Variants in COL4A5 observed in about 807,000 individuals in gnomAD.
The protein encoded by COL4A5 is collagen type IV alpha 5 chain, also known as collagen alpha-5(IV) chain.
COL4A5 carries 26 observed loss-of-function variants against 130.2 expected under a neutral mutation model. The observed-to-expected ratio is 0.20, with a 90% confidence interval of 0.15 to 0.28. The LOEUF (loss-of-function observed/expected upper bound fraction) is 0.28. Among genes scored for constraint, COL4A5 ranks in the 10% least tolerant of loss-of-function variants. The pLI is 1.00. For missense variants in COL4A5, 1,131 were observed against 1,344.3 expected, an observed-to-expected ratio of 0.84 and a Z score of 2.48; for synonymous variants, 496 against 439.6, an observed-to-expected ratio of 1.13 and a Z score of -1.60.
At chrX:108,561,843 A>T (rs916518399) in intron 3 of COL4A5, among the ~76,000 whole-genome samples, 1 of 111,640 alleles carries the variant, frequency 9.0e-6, no homozygotes, top group Admixed American at 9.6e-5. Context: ...GGAAAATAGG[A>T]TTACATCAGG....
chrX:108,673,984 G>A (rs2068255924), intron 42 of COL4A5, among the ~76,000 whole-genome samples: 1 of 109,041 alleles, frequency 9.2e-6, no homozygotes, highest in African/African-American at 3.3e-5. Flanking sequence ...GGAGGTTGCA[G>A]TGAGCTGAGA....
intron 30 of COL4A5, among the ~76,000 whole-genome samples, chrX:108,616,392 C>G (rs977944951): frequency 9.1e-6 from 1 of 110,275 alleles, no homozygotes; most frequent in Non-Finnish European, 1.9e-5. Context: ...TGCACCACCA[C>G]GCCCGGCTAA....
intron 49 of COL4A5, chrX:108,689,623 A>T (rs1039351050): frequency 2.7e-6 from 2 of 752,607 alleles, no homozygotes. Flanking sequence ...TCACACAAGG[A>T]TCACATTGGA....
At chrX:108,618,137 A>G (rs2066968363) in intron 30 of COL4A5, among the ~76,000 whole-genome samples, 1 of 111,427 alleles carries the variant, frequency 9.0e-6, no homozygotes, top group Admixed American at 9.6e-5. Flanking sequence ...AGACATATCC[A>G]TACAATTCTT....
intron 1 of COL4A5, among the ~76,000 whole-genome samples, chrX:108,522,632 T>C (rs2065274894): frequency 2.8e-5 from 3 of 107,936 alleles, no homozygotes; most frequent in African/African-American, 1.0e-4. Context: ...CATTATAAAT[T>C]GTATTATTTG....
intron 1 of COL4A5, among the ~76,000 whole-genome samples, chrX:108,502,881 C>T (rs1209973891): frequency 7.2e-5 from 8 of 111,520 alleles, no homozygotes; most frequent in African/African-American, 2.6e-4. Context: ...ATTCGCGTTC[C>T]TAGGTATTAC....
chrX:108,548,830 G>A (rs759250589), intron 2 of COL4A5, among the ~76,000 whole-genome samples: 41 of 111,125 alleles, frequency 3.7e-4, no homozygotes, highest in African/African-American at 1.0e-3. Flanking sequence ...TGAAAACATC[G>A]TTAGAGAGCT....
intron 37 of COL4A5, 38 bp from the exon 38 acceptor site, chrX:108,665,469 G>T (rs2068058195): frequency 9.8e-7 from 1 of 1,019,294 alleles, no homozygotes; most frequent in Admixed American, 2.2e-5. Context: ...AAGCAATGCA[G>T]TTTTTCTTTC....
intron 1 of COL4A5, among the ~76,000 whole-genome samples, chrX:108,501,317 T>C (rs1304831040): frequency 1.8e-5 from 2 of 111,887 alleles, no homozygotes; most frequent in East Asian, 5.6e-4. Context: ...TTAAACCACA[T>C]GTGCATCATT....
intron 28 of COL4A5, among the ~76,000 whole-genome samples, chrX:108,605,299 T>C (rs1055084217): frequency 8.9e-6 from 1 of 111,773 alleles, no homozygotes; most frequent in Non-Finnish European, 1.9e-5. Context: ...ATTGTTGTGT[T>C]ATTAATTGGC....
chrX:108,447,015 T>G (rs2064460123), intron 1 of COL4A5, among the ~76,000 whole-genome samples: 1 of 111,449 alleles, frequency 9.0e-6, no homozygotes, highest in Admixed American at 9.6e-5. Context: ...CCTACTGATC[T>G]CTTCCCAGCT....
rs575227825 is a variant in COL4A5 at position 108,645,417 on chromosome X, A to T, written c.3247-9914A>T. Among the ~76,000 whole-genome samples, 18 of 110,976 alleles carry T rather than the reference A, an allele frequency of 1.6e-4. No homozygotes were observed. In the South Asian group the frequency reaches 6.9e-3, roughly 42 times the overall value. On this transcript the variant is annotated intron_variant, in intron 36 of 52. Coordinates refer to ENST00000328300, the MANE Select transcript of COL4A5 (RefSeq NM_033380.3). Reference sequence around the variant, plus strand: ...AACTGACACCACTGAAATAAAAAAGATTATTCAAGGCTACTATGAACACCT... The same window carrying T: ...AACTGACACCACTGAAATAAAAAAGTTTATTCAAGGCTACTATGAACACCT...
At chrX:108,565,495 A>G (rs2065954238) in intron 4 of COL4A5, among the ~76,000 whole-genome samples, 1 of 111,979 alleles carries the variant, frequency 8.9e-6, no homozygotes, top group Admixed American at 9.5e-5. Flanking sequence ...CCACGTAACA[A>G]CTAAACCATC....
intron 1 of COL4A5, among the ~76,000 whole-genome samples, chrX:108,473,047 C>T (rs916261889): frequency 8.9e-6 from 1 of 111,891 alleles, no homozygotes; most frequent in African/African-American, 3.2e-5. Flanking sequence ...TATCTGTTGA[C>T]CATTTGTATG....
intron 2 of COL4A5, among the ~76,000 whole-genome samples, chrX:108,554,500 T>C (rs1456685330): frequency 1.8e-5 from 2 of 111,441 alleles, no homozygotes; most frequent in African/African-American, 3.3e-5. Context: ...GATTATGTGG[T>C]ATACAACTCG....
At chrX:108,556,034 G>C (rs898259546) in intron 2 of COL4A5, among the ~76,000 whole-genome samples, 2 of 111,984 alleles carry the variant, frequency 1.8e-5, no homozygotes, top group Non-Finnish European at 3.8e-5. Flanking sequence ...GATTAATGAA[G>C]TAGTAATTCG....
intron 50 of COL4A5, 81 bp downstream of exon 50, chrX:108,693,006 G>A: frequency 9.6e-7 from 1 of 1,045,923 alleles, no homozygotes; most frequent in Non-Finnish European, 1.3e-6. Context: ...CTAACAATCT[G>A]ATGATATTCC....
chrX:108,617,076 A>G (rs986898628), intron 30 of COL4A5, among the ~76,000 whole-genome samples: 3 of 110,947 alleles, frequency 2.7e-5, no homozygotes, highest in Non-Finnish European at 3.8e-5. Flanking sequence ...TAATATAGAA[A>G]TGTTCTCAAA....
At chrX:108,669,458 A>C (rs17326925) in intron 41 of COL4A5, among the ~76,000 whole-genome samples, 26,856 of 111,109 alleles carry the variant, frequency 0.24, 2,741 homozygotes, top group East Asian at 0.57. Flanking sequence ...GGGATCACAT[A>C]CTGTGTTCAG....
Sources: allele counts gnomAD v4.1 joint callset (sites outside exome capture counted in the v4.1 genomes callset), GRCh38; gene constraint gnomAD v4.1.1; transcripts MANE v1.5; gene names NCBI Gene and HGNC (gene_info 2026-07-23, HGNC 2026-07-21).